GPR152: variants seen among roughly 807,000 people sequenced by gnomAD.
The protein encoded by GPR152 is G protein-coupled receptor 152.
For missense variants in GPR152, 549 were observed against 617.2 expected (o/e 0.89, Z 1.17); for synonymous variants, 278 against 289.0 (o/e 0.96, Z 0.39).
In GPR152 at chr11:67,452,196, A is replaced by G; in HGVS notation, c.529T>C (p.Tyr177His). 6.2e-7 allele frequency: 1 copy of G among 1,608,502 alleles called. No individual in the cohort carries two copies. Among genetic ancestry groups the G allele is most frequent in the Non-Finnish European group, 8.5e-7 (1 of 1,179,938 alleles). The change falls in exon 1 of 1, where the codon TAC becomes CAC. Residue 177 changes from tyrosine (Y) to histidine (H), a missense_variant. Transcript: ENST00000312457. ...AAGTCCAGGCAGATGACCAGGTCGT[A>G]CCACCAGACGGCAGCCTCGGGGAAG... ...LVFPEAAVWW[Y>H]DLVICLDFWD...
chr11:67,451,772 C>A lies in GPR152; in HGVS notation c.953G>T (p.Cys318Phe). ...SVLSSFAAAL[C>F]EERPGSFTPT... ...CGTGAAGCTGCCCGGCCGCTCCTCG[C>A]AGAGAGCTGCCGCGAAGGACGAGAG... The change falls in exon 1 of 1, where the codon TGC becomes TTC. Residue 318 changes from cysteine to phenylalanine, a missense_variant. Coordinates refer to ENST00000312457, the MANE Select transcript of GPR152 (RefSeq NM_206997.1). 1 of 1,613,322 alleles carries A rather than the reference C, an allele frequency of 6.2e-7. No homozygotes were observed. The highest frequency in any genetic ancestry group is 1.1e-5 in the South Asian group (1 of 91,086).
chr11:67,452,463 T>A lies in GPR152; in HGVS notation c.262A>T (p.Ile88Phe). The change falls in exon 1 of 1, where the codon ATC becomes TTC. Residue 88 changes from isoleucine to phenylalanine, a missense_variant. Physicochemically the swap from Ile to Phe is conservative, Grantham distance 21. Transcript: ENST00000312457. ...FLFLAAAAFQILEIRHGGHWP... is the reference protein window; with the variant it reads ...FLFLAAAAFQFLEIRHGGHWP... The stretch of plus-strand genomic sequence containing the variant: ...TGTCCCCCATGCCGGATCTCTAGGA[T>A]CTGGAAGGCCGCTGCTGCCAGGAAC... 1.2e-6 allele frequency: 2 copies of A among 1,612,200 alleles called. No individual in the cohort carries two copies. Among genetic ancestry groups the A allele is most frequent in the Non-Finnish European group, 1.7e-6 (2 of 1,179,718 alleles).
At position 67,452,464 on chromosome 11, in the gene GPR152, C is replaced by T; in HGVS notation, c.261G>A (p.Gln87=). 6.2e-7 allele frequency: 1 copy of T among 1,612,156 alleles called. No homozygotes were observed. Among genetic ancestry groups the T allele is most frequent in the Non-Finnish European group, 8.5e-7 (1 of 1,179,678 alleles). The change falls in exon 1 of 1, where the codon CAG becomes CAA. Residue 87 remains glutamine, a synonymous_variant. Transcript: ENST00000312457. ...GTCCCCCATGCCGGATCTCTAGGAT[C>T]TGGAAGGCCGCTGCTGCCAGGAACA... ...DFLFLAAAAF[Q]ILEIRHGGHW...
rs202069820 is a variant in GPR152 at position 67,452,132 on chromosome 11, A to G, written c.593T>C (p.Val198Ala). 6 of 1,611,344 alleles carry G rather than the reference A, an allele frequency of 3.7e-6. No individual in the cohort carries two copies. Among genetic ancestry groups the G allele is most frequent in the Non-Finnish European group, 4.2e-6 (5 of 1,179,904 alleles). The change falls in exon 1 of 1, where the codon GTC becomes GCC. Residue 198 changes from valine (V) to alanine (A), a missense_variant. Coordinates refer to ENST00000312457, the MANE Select transcript of GPR152 (RefSeq NM_206997.1). Reference protein sequence around the residue: ...SEELSLRMLEVLGGFLPFLLL... With the variant: ...SEELSLRMLEALGGFLPFLLL... ...GAGGAAAGGCAGGAAGCCCCCCAGG[A>G]CCTCCAGCATCCTCAGCGACAGCTC...
rs747098423 is a variant in GPR152 at position 67,452,550 on chromosome 11, G to T, written c.175C>A (p.Arg59=). 6.2e-7 allele frequency: 1 copy of T among 1,606,702 alleles called. No individual in the cohort carries two copies. The highest frequency in any genetic ancestry group is 8.5e-7 in the Non-Finnish European group (1 of 1,177,006). The change falls in exon 1 of 1, where the codon CGG becomes AGG. Residue 59 remains arginine (R), a synonymous_variant. Transcript: ENST00000312457. ...LMAWLAGSQA[R]HGAGTRLALL... ...GCCAGACGCGTGCCAGCTCCATGCC[G>T]GGCCTGGGAGCCGGCCAGCCACGCC...
Position 67,452,117 on chromosome 11 carries a change from A to C in GPR152, c.608T>G (p.Leu203Arg). The change falls in exon 1 of 1, where the codon CTG (leucine) becomes CGG (arginine). Residue 203 changes from leucine (L) to arginine (R), a missense_variant. Transcript: ENST00000312457. ...LRMLEVLGGF[L>R]PFLLLLVCHV... ...GCAGACGAGCAGCAGGAGGAAAGGC[A>C]GGAAGCCCCCCAGGACCTCCAGCAT... is the stretch of plus-strand genomic sequence containing the variant. 6.2e-7 allele frequency: 1 copy of C among 1,611,928 alleles called. No individual in the cohort carries two copies. Among genetic ancestry groups the C allele is most frequent in the Non-Finnish European group, 8.5e-7 (1 of 1,179,894 alleles).
Position 67,451,785 on chromosome 11 carries a change from C to T in GPR152, c.940G>A (p.Ala314Thr), listed in dbSNP as rs149394675. 25 of 1,613,208 alleles carry T rather than the reference C, an allele frequency of 1.5e-5. No homozygotes were observed. The highest frequency in any genetic ancestry group is 3.3e-5 in the Admixed American group (2 of 60,006). ...GGCCGCTCCTCGCAGAGAGCTGCCG[C>T]GAAGGACGAGAGCACGGAGCGCAGC... is the stretch of plus-strand genomic sequence containing the variant. ...TLLRSVLSSF[A>T]AALCEERPGS... The change falls in exon 1 of 1, where the codon GCG becomes ACG. Residue 314 changes from alanine to threonine, a missense_variant. Transcript: ENST00000312457.
chr11:67,451,783 C>G lies in GPR152; in HGVS notation c.942G>C (p.Ala314=). 1.2e-6 allele frequency: 2 copies of G among 1,613,270 alleles called. No homozygotes were observed. Among genetic ancestry groups the G allele is most frequent in the Non-Finnish European group, 1.7e-6 (2 of 1,180,008 alleles). The stretch of plus-strand genomic sequence containing the variant: ...CCGGCCGCTCCTCGCAGAGAGCTGC[C>G]GCGAAGGACGAGAGCACGGAGCGCA... ...TLLRSVLSSF[A]AALCEERPGS... The change falls in exon 1 of 1, where the codon GCG becomes GCC. Residue 314 remains alanine (A), a synonymous_variant. Coordinates refer to ENST00000312457, the MANE Select transcript of GPR152 (RefSeq NM_206997.1).
At position 67,451,402 on chromosome 11, in the gene GPR152, GGC is replaced by G; in HGVS notation, c.1321_1322del (p.Ala441ProfsTer2). 2 of 1,613,170 alleles carry G rather than the reference GGC, an allele frequency of 1.2e-6. No homozygotes were observed. The highest frequency in any genetic ancestry group is 1.7e-6 in the Non-Finnish European group (2 of 1,179,440). On this transcript the variant is annotated frameshift_variant, in exon 1 of 1. Transcript: ENST00000312457. LOFTEE classifies it low-confidence loss of function (END_TRUNC). ...CAGGAGGTGTGGCTGGGTCCTCAAG[GGC>G]CCCTGGGGTAGGATGCGAGGATGGG... ...PTPSSHPTPG[A>X]LEDPATPPAS... is the part of the protein sequence containing the mutation.
chr11:67,452,368 G>A lies in GPR152; in HGVS notation c.357C>T (p.Leu119=), dbSNP rs777405785. Residue 119 remains leucine (L), a synonymous_variant, in exon 1 of 1, where the codon CTC becomes CTT. Transcript: ENST00000312457. ...FLWGVSYSSG[L]FLLAALSLDR... is the part of the protein sequence containing the mutation. Reference sequence around the variant, plus strand: ...CGAGGCTGAGGGCGGCCAGCAGGAAGAGGCCGGAGGAGTAGGACACGCCCC... The same window carrying A: ...CGAGGCTGAGGGCGGCCAGCAGGAAAAGGCCGGAGGAGTAGGACACGCCCC... The A allele has an allele frequency of 8.7e-6, 14 of 1,612,338 alleles. No homozygotes were observed. The highest frequency in any genetic ancestry group is 1.0e-5 in the Non-Finnish European group (12 of 1,179,770).
In GPR152 at chr11:67,452,412, G is replaced by A. The variant is rs766828778; in HGVS notation, c.313C>T (p.Arg105Cys). ...GHWPLGTAAC[R>C]FYYFLWGVSY... ...ACGCCCCATAGGAAGTAGTAGAAGC[G>A]GCAGGCAGCTGTCCCCAGCGGCCAG... Residue 105 changes from arginine to cysteine, a missense_variant, in exon 1 of 1, where the codon CGC becomes TGC. By Grantham distance (180) the Arg-to-Cys change is radical (BLOSUM62 -3). Transcript: ENST00000312457. 2.1e-5 allele frequency: 34 copies of A among 1,612,636 alleles called. No homozygotes were observed. The highest frequency in any genetic ancestry group is 1.3e-4 in the African/African-American group (10 of 74,930).
rs200589652 is a variant in GPR152 at position 67,452,532 on chromosome 11, G to A, written c.193C>T (p.Arg65Cys). The change falls in exon 1 of 1, where the codon CGT (arginine) becomes TGT (cysteine). Residue 65 changes from arginine to cysteine, a missense_variant. Coordinates refer to ENST00000312457, the MANE Select transcript of GPR152 (RefSeq NM_206997.1). ...AGGCTGAGCAGGAGCAGCGCCAGAC[G>A]CGTGCCAGCTCCATGCCGGGCCTGG... ...GSQARHGAGT[R>C]LALLLLSLAL... is the part of the protein sequence containing the mutation. 204 of 1,606,748 alleles carry A rather than the reference G, an allele frequency of 1.3e-4. No homozygotes were observed. The Middle Eastern group carries it at 2.7e-3, about 21-fold the overall frequency.
rs763560796 is a variant in GPR152, at chr11:67,452,525, G to A, written c.200C>T (p.Ala67Val). The stretch of plus-strand genomic sequence containing the variant: ...GAGGGCCAGGCTGAGCAGGAGCAGC[G>A]CCAGACGCGTGCCAGCTCCATGCCG... ...QARHGAGTRL[A>V]LLLLSLALSD... The change falls in exon 1 of 1, where the codon GCG becomes GTG. Residue 67 changes from alanine (A) to valine (V), a missense_variant. By Grantham distance (64) the Ala-to-Val change is moderately conservative. Coordinates refer to ENST00000312457, the MANE Select transcript of GPR152 (RefSeq NM_206997.1). The A allele has an allele frequency of 7.5e-6, 12 of 1,606,782 alleles. No individual in the cohort carries two copies. The highest frequency in any genetic ancestry group is 6.7e-5 in the East Asian group (3 of 44,662).
chr11:67,452,303 C>G lies in GPR152; in HGVS notation c.422G>C (p.Gly141Ala). 1.2e-6 allele frequency: 2 copies of G among 1,609,712 alleles called. No individual in the cohort carries two copies. The highest frequency in any genetic ancestry group is 4.5e-5 in the East Asian group (2 of 44,872). Residue 141 changes from glycine (G) to alanine (A), a missense_variant, in exon 1 of 1, where the codon GGG (glycine) becomes GCG (alanine). Coordinates refer to ENST00000312457, the MANE Select transcript of GPR152 (RefSeq NM_206997.1). The part of the protein sequence containing the change: ...LLALCPHWYP[G>A]HRPVRLPLWV... ...GAGGGGCAGGCGGACTGGGCGGTGC[C>G]CAGGGTACCAGTGTGGGCACAGCGC...
Position 67,451,589 on chromosome 11 carries a change from G to A in GPR152, c.1136C>T (p.Thr379Met), listed in dbSNP as rs775290604. 3.3e-5 allele frequency: 54 copies of A among 1,613,616 alleles called. No homozygotes were observed. The highest frequency in any genetic ancestry group is 2.0e-5 in the Non-Finnish European group (24 of 1,179,868). The change falls in exon 1 of 1, where the codon ACG (threonine) becomes ATG (methionine). Residue 379 changes from threonine (T) to methionine (M), a missense_variant. Coordinates refer to ENST00000312457, the MANE Select transcript of GPR152 (RefSeq NM_206997.1). ...DPTAQPQLNPTAQPQSDPTAQ... is the reference protein window; with the variant it reads ...DPTAQPQLNPMAQPQSDPTAQ... ...TGTGGGATCCGACTGTGGCTGGGCC[G>A]TAGGGTTCAGCTGTGGCTGAGCTGT...
Position 67,452,419 on chromosome 11 carries a change from A to C in GPR152, c.306T>G (p.Ala102=). The C allele has an allele frequency of 6.2e-7, 1 of 1,612,660 alleles. No homozygotes were observed. Among genetic ancestry groups the C allele is most frequent in the Non-Finnish European group, 8.5e-7 (1 of 1,179,904 alleles). ...ATAGGAAGTAGTAGAAGCGGCAGGCAGCTGTCCCCAGCGGCCAGTGTCCCC... is the reference window on the plus strand; with the variant it reads ...ATAGGAAGTAGTAGAAGCGGCAGGCCGCTGTCCCCAGCGGCCAGTGTCCCC... ...RHGGHWPLGT[A]ACRFYYFLWG... Residue 102 remains alanine, a synonymous_variant, in exon 1 of 1, where the codon GCT becomes GCG. Coordinates refer to ENST00000312457, the MANE Select transcript of GPR152 (RefSeq NM_206997.1).
Position 67,452,425 on chromosome 11 carries a change from C to T in GPR152, c.300G>A (p.Gly100=). The change falls in exon 1 of 1, where the codon GGG becomes GGA. Residue 100 remains glycine (G), a synonymous_variant. Transcript: ENST00000312457. The part of the protein sequence containing the change: ...EIRHGGHWPL[G]TAACRFYYFL... ...AGTAGTAGAAGCGGCAGGCAGCTGT[C>T]CCCAGCGGCCAGTGTCCCCCATGCC... is the stretch of plus-strand genomic sequence containing the variant. The T allele has an allele frequency of 1.9e-6, 3 of 1,612,530 alleles. No individual in the cohort carries two copies. Among genetic ancestry groups the T allele is most frequent in the Non-Finnish European group, 2.5e-6 (3 of 1,179,836 alleles).
chr11:67,451,487 T>C lies in GPR152; in HGVS notation c.1238A>G (p.Gln413Arg). 6.2e-7 allele frequency: 1 copy of C among 1,614,172 alleles called. No homozygotes were observed. Among genetic ancestry groups the C allele is most frequent in the South Asian group, 1.1e-5 (1 of 91,088 alleles). Residue 413 changes from glutamine (Q) to arginine (R), a missense_variant, in exon 1 of 1, where the codon CAG becomes CGG. Physicochemically the swap from Gln to Arg is conservative, Grantham distance 43. Coordinates refer to ENST00000312457, the MANE Select transcript of GPR152 (RefSeq NM_206997.1). ...AGAACTGGCAGCAGGTGCAGGGGTC[T>C]GGACGTTAGTGTCTGCCTGTGGCTG... The part of the protein sequence containing the change: ...VAQPQADTNV[Q>R]TPAPAASSVP...
chr11:67,452,504 G>T lies in GPR152; in HGVS notation c.221C>A (p.Ala74Asp). ...TRLALLLLSL[A>D]LSDFLFLAAA... ...TGCCAGGAACAAGAAGTCAGAGAGG[G>T]CCAGGCTGAGCAGGAGCAGCGCCAG... Residue 74 changes from alanine to aspartate, a missense_variant, in exon 1 of 1, where the codon GCC (alanine) becomes GAC (aspartate). Transcript: ENST00000312457. 1.9e-6 allele frequency: 3 copies of T among 1,610,114 alleles called. No individual in the cohort carries two copies. In the Admixed American group the frequency reaches 5.1e-5, roughly 27 times the overall value.
Sources: gnomAD v4.1 joint callset for allele counts on GRCh38, gnomAD v4.1.1 for gene constraint, MANE v1.5 for transcripts, NCBI Gene and HGNC (gene_info 2026-07-23, HGNC 2026-07-21) for gene names.